SCARF1: variants seen among roughly 807,000 people sequenced by gnomAD.
SCARF1 encodes acetyl LDL receptor.
In SCARF1, 49 loss-of-function variants were observed where a neutral mutation model predicts 76.3. The observed-to-expected ratio is 0.64, with a 90% CI of 0.51 to 0.81. SCARF1 has a LOEUF of 0.81. SCARF1 is among the 40% of genes least tolerant of loss of function. The probability of loss-of-function intolerance (pLI) is 0.00; values close to 1 mark genes in which losing one functional copy is unlikely to be tolerated. For synonymous variants in SCARF1, 495 were observed against 474.6 expected (o/e 1.04, Z -0.56); for missense variants, 1,098 against 1,143.9 (o/e 0.96, Z 0.58).
At position 1,634,673 on chromosome 17, in the gene SCARF1, TTGTC is replaced by T. The variant is rs1909364367; in HGVS notation, c.*81_*84del. 1.4e-6 allele frequency: 2 copies of T among 1,480,976 alleles called. No individual in the cohort carries two copies. The highest frequency in any genetic ancestry group is 2.8e-5 in the African/African-American group (2 of 70,786). 91.7% of individuals were successfully genotyped at this position (1,480,976 alleles called of 1,614,324 possible). ...CCTGTGGAGGCGCAGAGGCTCTGGTTTGTCTGTCCTGGCCCCGGGATCATTTTCC... is the reference window on the plus strand; with the variant it reads ...CCTGTGGAGGCGCAGAGGCTCTGGTTTGTCCTGGCCCCGGGATCATTTTCC... On this transcript the variant is annotated 3_prime_UTR_variant, in exon 11 of 11. Transcript: ENST00000263071.
At position 1,634,769 on chromosome 17, in the gene SCARF1, G is replaced by C. The variant is rs1909378533; in HGVS notation, c.2482C>G (p.Pro828Ala). The change falls in exon 11 of 11, where the codon CCA (proline) becomes GCA (alanine). Residue 828 changes from proline (P) to alanine (A), a missense_variant. Coordinates refer to ENST00000263071, the MANE Select transcript of SCARF1 (RefSeq NM_003693.4). ...YENVVPISRP[P>A]EP ...CAAATTCAAGGTCATCAGGGTTCTG[G>C]TGGCCTGGAGATGGGTACAACATTC... 1 of 1,593,194 alleles carries C rather than the reference G, an allele frequency of 6.3e-7. No individual in the cohort carries two copies. Among genetic ancestry groups the C allele is most frequent in the African/African-American group, 1.3e-5 (1 of 74,120 alleles).
In SCARF1 at chr17:1,634,551, G is replaced by T; in HGVS notation, c.*207C>A. ...AAAGTCCCTGCAGGCAACCCTTCCTGACCCCATCCTACAGGGTCTCTGCCC... is the reference window on the plus strand; with the variant it reads ...AAAGTCCCTGCAGGCAACCCTTCCTTACCCCATCCTACAGGGTCTCTGCCC... On this transcript the variant is annotated 3_prime_UTR_variant, in exon 11 of 11. Coordinates refer to ENST00000263071, the MANE Select transcript of SCARF1 (RefSeq NM_003693.4). The T allele has an allele frequency of 1.8e-6, 1 of 544,000 alleles. No homozygotes were observed. Among genetic ancestry groups the T allele is most frequent in the East Asian group, 3.1e-5 (1 of 32,540 alleles). The allele number at this position is 544,000 out of a possible 1,614,324, so 33.7% of individuals were successfully genotyped here.
At position 1,645,584 on chromosome 17, in the gene SCARF1, C is replaced by T. The variant is rs748352323; in HGVS notation, c.101+13G>A. On this transcript the variant is annotated intron_variant, in intron 1 of 10. Transcript: ENST00000263071. The surrounding 1 kb of genome is among the most constrained non-coding windows in gnomAD (Gnocchi z 6.3). ...CCTGCTGGCCACACGCATCAGACTC[C>T]CACGAGACCCACCTGCTGGCCACAC... 3.1e-6 allele frequency: 5 copies of T among 1,601,388 alleles called. No homozygotes were observed. In the South Asian group the frequency reaches 5.6e-5, roughly 18 times the overall value.
rs1210396267 is a variant in SCARF1, at chr17:1,640,882, C to T, written c.792-216G>A. On this transcript the variant is annotated intron_variant, in intron 4 of 10. Coordinates refer to ENST00000263071, the MANE Select transcript of SCARF1 (RefSeq NM_003693.4). The surrounding 1 kb of genome is among the most constrained non-coding windows in gnomAD (Gnocchi z 4.7). Reference sequence around the variant, plus strand: ...CCATCCCTTTCCTTCCAGGCATCTGCTCTGTGACCGTCTTTCCCTGGGTCC... The same window carrying T: ...CCATCCCTTTCCTTCCAGGCATCTGTTCTGTGACCGTCTTTCCCTGGGTCC... Among the ~76,000 whole-genome samples the T allele has an allele frequency of 2.6e-5, 4 of 152,162 alleles. No individual in the cohort carries two copies. The highest frequency in any genetic ancestry group is 2.1e-4 in the South Asian group (1 of 4,832).
rs568092850 is a variant in SCARF1, at chr17:1,644,136, C to G, written c.266-169G>C. 7 of 463,924 alleles carry G rather than the reference C, an allele frequency of 1.5e-5. No individual in the cohort carries two copies. Among genetic ancestry groups the G allele is most frequent in the Non-Finnish European group, 2.1e-5 (6 of 285,308 alleles). The allele number at this position is 463,924 out of a possible 1,614,324, so 28.7% of individuals were successfully genotyped here. On this transcript the variant is annotated intron_variant, in intron 3 of 10. Coordinates refer to ENST00000263071, the MANE Select transcript of SCARF1 (RefSeq NM_003693.4). This position sits in a 1 kb window ranked among gnomAD's most constrained non-coding sequence, Gnocchi z 4.8. ...CCTGGGCAACACTCACTTCCTGCTC[C>G]GCTCTGACCTACAGAAAACCCTTAG... is the stretch of plus-strand genomic sequence containing the variant.
Position 1,640,120 on chromosome 17 carries a change from C to G in SCARF1, c.1011-80G>C. 1 of 1,522,476 alleles carries G rather than the reference C, an allele frequency of 6.6e-7. No individual in the cohort carries two copies. Among genetic ancestry groups the G allele is most frequent in the Non-Finnish European group, 8.9e-7 (1 of 1,126,462 alleles). 94.3% of individuals were successfully genotyped at this position (1,522,476 alleles called of 1,614,324 possible). The stretch of plus-strand genomic sequence containing the variant: ...TGTGGGGCCCCACCCCTCCGCCCCA[C>G]GCTCCTGGACTCAAGGACCCAACTG... On this transcript the variant is annotated intron_variant, in intron 5 of 10. Coordinates refer to ENST00000263071, the MANE Select transcript of SCARF1 (RefSeq NM_003693.4). The surrounding 1 kb of genome is among the most constrained non-coding windows in gnomAD (Gnocchi z 4.7).
In SCARF1 at chr17:1,640,309, C is replaced by CCT; in HGVS notation, c.1010+138_1010+139insAG. ...GGCCCCCCCAGAACCCACTGCTCTC[C>CCT]CCCAGTCTTCAACAGGAGGGAGGCC... On this transcript the variant is annotated intron_variant, in intron 5 of 10. Transcript: ENST00000263071. This position sits in a 1 kb window ranked among gnomAD's most constrained non-coding sequence, Gnocchi z 4.7. The CCT allele has an allele frequency of 1.1e-6, 1 of 875,466 alleles. No individual in the cohort carries two copies. Among genetic ancestry groups the CCT allele is most frequent in the Non-Finnish European group, 1.7e-6 (1 of 575,106 alleles). 54.2% of individuals were successfully genotyped at this position (875,466 alleles called of 1,614,324 possible).
rs902826101 is a variant in SCARF1 at position 1,634,641 on chromosome 17, C to G, written c.*117G>C. On this transcript the variant is annotated 3_prime_UTR_variant, in exon 11 of 11. Coordinates refer to ENST00000263071, the MANE Select transcript of SCARF1 (RefSeq NM_003693.4). The stretch of plus-strand genomic sequence containing the variant: ...TGGGCCAACTGGCCTGGAAGCCTTG[C>G]CTTTTCCCTGTGGAGGCGCAGAGGC... 16 of 1,416,668 alleles carry G rather than the reference C, an allele frequency of 1.1e-5. No homozygotes were observed. Among genetic ancestry groups the G allele is most frequent in the Non-Finnish European group, 1.5e-5 (16 of 1,060,708 alleles). The allele number at this position is 1,416,668 out of a possible 1,614,324, so 87.8% of individuals were successfully genotyped here.
chr17:1,634,779 G>T lies in SCARF1; in HGVS notation c.2472C>A (p.Ile824=). The T allele has an allele frequency of 6.3e-7, 1 of 1,598,782 alleles. No individual in the cohort carries two copies. The highest frequency in any genetic ancestry group is 8.5e-7 in the Non-Finnish European group (1 of 1,169,610). The change falls in exon 11 of 11, where the codon ATC becomes ATA. Residue 824 remains isoleucine, a synonymous_variant. Transcript: ENST00000263071. ...GTCATCAGGGTTCTGGTGGCCTGGAGATGGGTACAACATTCTCATACTCAG... is the reference window on the plus strand; with the variant it reads ...GTCATCAGGGTTCTGGTGGCCTGGATATGGGTACAACATTCTCATACTCAG... The part of the protein sequence containing the change: ...EEPEYENVVP[I]SRPPEP
intron 8 of SCARF1, chr17:1,638,157 G>C (rs978642210): frequency 6.6e-6 from 1 of 152,222 alleles, no homozygotes; most frequent in Non-Finnish European, 1.5e-5. Context: ...CACACTCCCT[G>C]TTCCAAACCT....
chr17:1,638,096 C>T (rs1484583516), intron 8 of SCARF1: 1 of 152,188 alleles, frequency 6.6e-6, no homozygotes, highest in African/African-American at 2.4e-5. Flanking sequence ...AACTAGATCA[C>T]CTTGGGCCTC....
At chr17:1,642,935 C>T (rs1910169637) in intron 4 of SCARF1, among the ~76,000 whole-genome samples, 1 of 152,134 alleles carries the variant, frequency 6.6e-6, no homozygotes, top group South Asian at 2.1e-4. Flanking sequence ...CTCCTGACCT[C>T]AGGTGATGCA....
rs2151097477 is a variant in SCARF1, at chr17:1,640,394, G to A, written c.1010+54C>T. Reference sequence around the variant, plus strand: ...TGGTGCTCTCGGAGAGAGCCGCTGAGCTGAGGGTCCTGGGGGAAGGTGTAC... The same window carrying A: ...TGGTGCTCTCGGAGAGAGCCGCTGAACTGAGGGTCCTGGGGGAAGGTGTAC... On this transcript the variant is annotated intron_variant, in intron 5 of 10. Coordinates refer to ENST00000263071, the MANE Select transcript of SCARF1 (RefSeq NM_003693.4). This position sits in a 1 kb window ranked among gnomAD's most constrained non-coding sequence, Gnocchi z 4.7. 1 of 1,470,296 alleles carries A rather than the reference G, an allele frequency of 6.8e-7. No individual in the cohort carries two copies. The highest frequency in any genetic ancestry group is 9.3e-7 in the Non-Finnish European group (1 of 1,079,518). 91.1% of individuals were successfully genotyped at this position (1,470,296 alleles called of 1,614,324 possible).
At position 1,635,536 on chromosome 17, in the gene SCARF1, G is replaced by A. The variant is rs561600948; in HGVS notation, c.1715C>T (p.Thr572Met). The A allele has an allele frequency of 1.9e-5, 30 of 1,613,316 alleles. No individual in the cohort carries two copies. In the South Asian group the frequency reaches 2.1e-4, roughly 11 times the overall value. ...GGAGGTGCGCGGGATGGCGAATGGC[G>A]TGGAGGCGTCCTCAGGGGGCGGGAA... Reference protein sequence around the residue: ...GAFPPPEDASTPFAIPRTSSL... With the variant: ...GAFPPPEDASMPFAIPRTSSL... The change falls in exon 11 of 11, where the codon ACG becomes ATG. Residue 572 changes from threonine to methionine, a missense_variant. Thr to Met is a moderately conservative substitution (Grantham distance 81). Transcript: ENST00000263071.
Position 1,643,674 on chromosome 17 carries a change from C to A in SCARF1, c.559G>T (p.Gly187Trp). Residue 187 changes from glycine to tryptophan, a missense_variant, in exon 4 of 11, where the codon GGG (glycine) becomes TGG (tryptophan). Gly to Trp is a radical substitution (Grantham distance 184). Transcript: ENST00000263071. Reference protein sequence around the residue: ...GACVCKPGWWGRRCSFRCNCH... With the variant: ...GACVCKPGWWWRRCSFRCNCH... The stretch of plus-strand genomic sequence containing the variant: ...TTGCAGCGGAAGCTGCAGCGGCGCC[C>A]CCACCAGCCCGGCTTGCACACGCAG... 1 of 1,464,952 alleles carries A rather than the reference C, an allele frequency of 6.8e-7. No homozygotes were observed. The allele number at this position is 1,464,952 out of a possible 1,614,324, so 90.7% of individuals were successfully genotyped here.
chr17:1,636,890 T>C, intron 9 of SCARF1, 35 bp from the exon 10 acceptor site: 1 of 1,613,708 alleles, frequency 6.2e-7, no homozygotes, highest in Non-Finnish European at 8.5e-7. Context: ...CTGCAGGACC[T>C]GATGCAAAGC....
Position 1,645,725 on chromosome 17 carries a change from G to T in SCARF1, c.-28C>A, listed in dbSNP as rs944222725. ...CAGGCAGCTCGGTGGGAGCGCTCGG[G>T]TTCGTCTGGCCCCCACAGCTCCCAA... On this transcript the variant is annotated 5_prime_UTR_variant, in exon 1 of 11. Coordinates refer to ENST00000263071, the MANE Select transcript of SCARF1 (RefSeq NM_003693.4). This position sits in a 1 kb window ranked among gnomAD's most constrained non-coding sequence, Gnocchi z 6.3. 6.4e-7 allele frequency: 1 copy of T among 1,567,212 alleles called. No homozygotes were observed. Among genetic ancestry groups the T allele is most frequent in the Non-Finnish European group, 8.6e-7 (1 of 1,160,830 alleles).
At chr17:1,637,620 G>C (rs111292776) in intron 8 of SCARF1, among the ~76,000 whole-genome samples, 1 of 152,092 alleles carries the variant, frequency 6.6e-6, no homozygotes, top group African/African-American at 2.4e-5. Context: ...TTACAGGCGT[G>C]CACCACCACA....
chr17:1,642,863 G>C (rs1910164000), intron 4 of SCARF1, among the ~76,000 whole-genome samples: 1 of 151,978 alleles, frequency 6.6e-6, no homozygotes, highest in Admixed American at 6.6e-5. Flanking sequence ...GGCGCAGCCC[G>C]GCTAATTTTT....
Sources: gnomAD v4.1 joint callset for allele counts (sites outside exome capture counted in the v4.1 genomes callset) on GRCh38, gnomAD v4.1.1 for gene constraint, Gnocchi (gnomAD v3.1) non-coding constraint, MANE v1.5 for transcripts, NCBI Gene and HGNC (gene_info 2026-07-23, HGNC 2026-07-21) for gene names.